Variants in BRI3 observed in about 807,000 individuals in gnomAD.
BRI3 encodes membrane protein BRI3.
In BRI3, 6 loss-of-function variants were observed where a neutral mutation model predicts 12.8. The ratio of observed to expected loss-of-function variants is 0.47; its 90% CI spans 0.26 to 0.93. The LOEUF is 0.93. Ranked by LOEUF, BRI3 falls within the 40% of genes least tolerant of loss-of-function variation. The pLI is 0.15. For missense variants in BRI3, 134 were observed against 171.1 expected (o/e 0.78, Z 1.21); for synonymous variants, 91 against 76.1 (o/e 1.20, Z -1.02).
chr7:98,287,937 G>C (rs761294848), intron 2 of BRI3, among the ~76,000 whole-genome samples: 1 of 152,188 alleles, frequency 6.6e-6, no homozygotes, highest in Non-Finnish European at 1.5e-5. Flanking sequence ...CAGGCAGTCA[G>C]CTCTGCCTGC....
chr7:98,289,967 C>T lies in BRI3; in HGVS notation c.246-1144C>T, dbSNP rs961208076. Reference sequence around the variant, plus strand: ...CAAACATTGAACTTTGTTGAAGAGGCGGCTTTGAGATCACATTTCTCAAAA... The same window carrying T: ...CAAACATTGAACTTTGTTGAAGAGGTGGCTTTGAGATCACATTTCTCAAAA... On this transcript the variant is annotated intron_variant, in intron 2 of 2. Coordinates refer to ENST00000297290, the MANE Select transcript of BRI3 (RefSeq NM_015379.5). 1.1e-4 allele frequency among the ~76,000 whole-genome samples: 16 copies of T among 152,228 alleles called. No individual in the cohort carries two copies. In the East Asian group the frequency reaches 1.9e-3, roughly 18 times the overall value.
downstream of BRI3, among the ~76,000 whole-genome samples, chr7:98,315,179 T>C (rs1407255070): frequency 6.6e-6 from 1 of 152,184 alleles, no homozygotes; most frequent in East Asian, 1.9e-4. Context: ...TGGAGTGCAG[T>C]GGCACAATCA....
At chr7:98,319,089 A>C in the BRI3 span, among the ~76,000 whole-genome samples, 10 of 152,170 alleles carry the variant, frequency 6.6e-5, no homozygotes, top group African/African-American at 2.2e-4. Flanking sequence ...GGGTGCAGCC[A>C]GGCAGCAGTC....
chr7:98,311,817 A>G (rs1239146108), downstream of BRI3, among the ~76,000 whole-genome samples: 5 of 152,058 alleles, frequency 3.3e-5, no homozygotes, highest in African/African-American at 1.2e-4. Flanking sequence ...GAGGCAGGAG[A>G]ATCACTTGAA....
the BRI3 span, among the ~76,000 whole-genome samples, chr7:98,318,557 G>C: frequency 6.6e-6 from 1 of 151,946 alleles, no homozygotes; most frequent in African/African-American, 2.4e-5. Flanking sequence ...GGGATTACAG[G>C]CGTGAGCCAC....
chr7:98,314,220 T>A (rs1331541662), downstream of BRI3, among the ~76,000 whole-genome samples: 2 of 152,022 alleles, frequency 1.3e-5, no homozygotes, highest in African/African-American at 2.4e-5. Flanking sequence ...TGACCTCAAG[T>A]GATTCACCCA....
chr7:98,307,460 G>A, intron 1 of BRI3: 1 of 1,401,304 alleles, frequency 7.1e-7, no homozygotes, highest in Non-Finnish European at 9.3e-7. Context: ...TCAGACAGGT[G>A]ACTTCATACG....
intron 2 of BRI3, among the ~76,000 whole-genome samples, chr7:98,290,782 A>AGCC (rs555985898): frequency 7.5e-4 from 115 of 152,394 alleles, no homozygotes; most frequent in Admixed American, 1.6e-3. Flanking sequence ...TACAGGCGTG[A>AGCC]GCCACCACAC....
At chr7:98,307,875 A>G in exon 2 of BRI3, 6 of 1,614,258 alleles carry the variant, frequency 3.7e-6, no homozygotes, top group Non-Finnish European at 4.2e-6. Context: ...TGATCGCTGT[A>G]AACTGGGATC....
chr7:98,305,033 T>A, upstream of BRI3, among the ~76,000 whole-genome samples: 1 of 130,808 alleles, frequency 7.6e-6, no homozygotes, highest in African/African-American at 3.0e-5. Context: ...GCCCAGCTAA[T>A]TTTTTTGTTT....
rs553049612 is a variant in BRI3, at chr7:98,291,198, C to T, written c.333C>T (p.Ala111=). The T allele has an allele frequency of 6.3e-5, 101 of 1,613,948 alleles. No homozygotes were observed. In the South Asian group the frequency reaches 1.0e-3, roughly 17 times the overall value. ...CCTTTGGGTTCATTTGCTGTTTTGCCTTGAGGAAGCGACGATGCCCCAACT... is the reference window on the plus strand; with the variant it reads ...CCTTTGGGTTCATTTGCTGTTTTGCTTTGAGGAAGCGACGATGCCCCAACT... The part of the protein sequence containing the change: ...LFPFGFICCF[A]LRKRRCPNCG... The change falls in exon 3 of 3, where the codon GCC becomes GCT. Residue 111 remains alanine (A), a synonymous_variant. Transcript: ENST00000297290.
chr7:98,294,427 G>A (rs1378479710), downstream of BRI3, among the ~76,000 whole-genome samples: 1 of 152,246 alleles, frequency 6.6e-6, no homozygotes. Flanking sequence ...AAAACGCTCT[G>A]AAAGGCGGTA....
upstream of BRI3, among the ~76,000 whole-genome samples, chr7:98,305,047 GTTTTTTTTTTT>G (rs59633894): frequency 5.0e-5 from 5 of 100,380 alleles, no homozygotes; most frequent in African/African-American, 1.7e-4. Flanking sequence ...TTTGTTTTTT[GTTTTTTTTTTT>G]TTTTTTTTTT....
chr7:98,292,594 C>A, downstream of BRI3: 1 of 1,539,560 alleles, frequency 6.5e-7, no homozygotes, highest in Non-Finnish European at 8.8e-7. Context: ...GGCCAGGTTC[C>A]GAGGGCATCA....
upstream of BRI3, chr7:98,304,418 C>T (rs577101245): frequency 7.2e-5 from 115 of 1,600,214 alleles, no homozygotes; most frequent in Non-Finnish European, 9.3e-5. Flanking sequence ...GATAATGTCT[C>T]ACCACCAAAC....
intron 2 of BRI3, among the ~76,000 whole-genome samples, chr7:98,284,036 T>G (rs1470676700): frequency 6.6e-6 from 1 of 152,198 alleles, no homozygotes; most frequent in Non-Finnish European, 1.5e-5. Flanking sequence ...TCTCCAGTTA[T>G]GCAGAACCTG....
Position 98,282,382 on chromosome 7 carries a change from C to T in BRI3, c.174C>T (p.Asn58=). The part of the protein sequence containing the change: ...GIPTHHPRVY[N]IHSRTVTRYP... The stretch of plus-strand genomic sequence containing the variant: ...CCACCCACCATCCCAGGGTCTACAA[C>T]ATCCACAGCCGGACCGTCACCCGCT... The change falls in exon 2 of 3, where the codon AAC becomes AAT. Residue 58 remains asparagine (N), a synonymous_variant. Coordinates refer to ENST00000297290, the MANE Select transcript of BRI3 (RefSeq NM_015379.5). 1 of 1,614,106 alleles carries T rather than the reference C, an allele frequency of 6.2e-7. No individual in the cohort carries two copies. The highest frequency in any genetic ancestry group is 8.5e-7 in the Non-Finnish European group (1 of 1,179,996).
the BRI3 span, chr7:98,320,444 T>G: frequency 1.5e-4 from 95 of 634,606 alleles, no homozygotes; most frequent in Middle Eastern, 1.6e-3. Flanking sequence ...CAAACTATTC[T>G]CCTGCCTCAG....
At chr7:98,289,940 TACAA>T (rs1584397080) in intron 2 of BRI3, among the ~76,000 whole-genome samples, 2 of 152,336 alleles carry the variant, frequency 1.3e-5, no homozygotes, top group East Asian at 1.9e-4. Context: ...TTTAGTCTGT[TACAA>T]ACATTGAACT....
Sources: gnomAD v4.1 joint callset for allele counts (sites outside exome capture counted in the v4.1 genomes callset) on GRCh38, gnomAD v4.1.1 for gene constraint, MANE v1.5 for transcripts, NCBI Gene and HGNC (gene_info 2026-07-23, HGNC 2026-07-21) for gene names.